Variants in LONP2 observed in about 807,000 individuals in gnomAD.
LONP2 encodes lon protease homolog 2, peroxisomal.
Under a neutral mutation model 85.6 loss-of-function variants are expected in LONP2, and 60 were observed. That is an observed-to-expected ratio of 0.70 (90% CI 0.57 to 0.87). LONP2 has a LOEUF of 0.87. Among genes scored for constraint, LONP2 ranks in the 40% least tolerant of loss-of-function variants. The probability of loss-of-function intolerance (pLI) is 0.00; values close to 1 mark genes in which losing one functional copy is unlikely to be tolerated. For synonymous variants in LONP2, 395 were observed against 389.7 expected, an observed-to-expected ratio of 1.01 and a Z score of -0.16; for missense variants, 860 against 1,063.5, an observed-to-expected ratio of 0.81 and a Z score of 2.66.
intron 11 of LONP2, among the ~76,000 whole-genome samples, chr16:48,314,396 G>A (rs1235283516): frequency 6.6e-6 from 1 of 152,032 alleles, no homozygotes; most frequent in East Asian, 1.9e-4. Flanking sequence ...TGTCCTGAAT[G>A]GTATTGCCTA....
In LONP2 at chr16:48,258,584, G is replaced by T. The variant is rs775120304; in HGVS notation, c.601-34G>T. The T allele has an allele frequency of 2.6e-5, 41 of 1,560,936 alleles. 1 individual carries two copies. The highest frequency in any genetic ancestry group is 8.6e-7 in the Non-Finnish European group (1 of 1,159,344). On this transcript the variant is annotated intron_variant, in intron 3 of 14. Transcript: ENST00000285737. ...CTGTTTTTGGATTGTGTGTTTCTGA[G>T]AGAGATCCTATTGATTGACTCACAT...
At chr16:48,340,734 G>A (rs952477370) in intron 12 of LONP2, among the ~76,000 whole-genome samples, 1 of 152,258 alleles carries the variant, frequency 6.6e-6, no homozygotes, top group African/African-American at 2.4e-5. Context: ...GCCAAGGTGG[G>A]CGGATCGCTT....
intron 11 of LONP2, among the ~76,000 whole-genome samples, chr16:48,320,031 G>A (rs1179160769): frequency 6.6e-6 from 1 of 151,828 alleles, no homozygotes; most frequent in Admixed American, 6.6e-5. Context: ...ATGGTGGCAG[G>A]GGCCTGTAAT....
At chr16:48,325,879 G>A (rs940954901) in intron 11 of LONP2, among the ~76,000 whole-genome samples, 2 of 152,186 alleles carry the variant, frequency 1.3e-5, no homozygotes, top group African/African-American at 4.8e-5. Context: ...CCACCAGTGT[G>A]TAAGAGTTCT....
chr16:48,334,446 G>GCCTC, intron 12 of LONP2, 88 bp downstream of exon 12: 1 of 1,509,010 alleles, frequency 6.6e-7, no homozygotes, highest in Non-Finnish European at 9.1e-7. Flanking sequence ...TGGGCAGGAG[G>GCCTC]CTGCCCTTTG....
At chr16:48,320,196 G>T (rs957790251) in intron 11 of LONP2, among the ~76,000 whole-genome samples, 2 of 148,620 alleles carry the variant, frequency 1.3e-5, no homozygotes, top group Non-Finnish European at 3.0e-5. Context: ...TTCTAAGCCC[G>T]CATTGAAGTT....
Position 48,347,667 on chromosome 16 carries a change from C to G in LONP2, c.2099C>G (p.Ala700Gly), listed in dbSNP as rs1280780228. ...GDVMKESAHL[A>G]ISWLRSNAKK... ...GTGATGAAGGAGTCCGCCCACCTCGCTATCAGCTGGCTCCGCAGCAACGCA... is the reference window on the plus strand; with the variant it reads ...GTGATGAAGGAGTCCGCCCACCTCGGTATCAGCTGGCTCCGCAGCAACGCA... The change falls in exon 13 of 15, where the codon GCT (alanine) becomes GGT (glycine). Residue 700 changes from alanine to glycine, a missense_variant. Ala to Gly is a moderately conservative substitution (Grantham distance 60). Around this residue, in one of 3 missense-constraint regions of LONP2, gnomAD observed 743 missense variants for 917.3 expected, o/e 0.81. Transcript: ENST00000285737. The G allele has an allele frequency of 6.2e-7, 1 of 1,614,184 alleles. No homozygotes were observed. Among genetic ancestry groups the G allele is most frequent in the Non-Finnish European group, 8.5e-7 (1 of 1,180,036 alleles).
chr16:48,315,239 T>C (rs1235460471), intron 11 of LONP2, among the ~76,000 whole-genome samples: 1 of 152,244 alleles, frequency 6.6e-6, no homozygotes, highest in Non-Finnish European at 1.5e-5. Flanking sequence ...CCTTGCCTGT[T>C]TGACTTTGTT....
In LONP2 at chr16:48,321,826, G is replaced by A. The variant is rs545350201; in HGVS notation, c.1796-12390G>A. Among the ~76,000 whole-genome samples, 10 of 152,308 alleles carry A rather than the reference G, an allele frequency of 6.6e-5. No homozygotes were observed. In the South Asian group the frequency reaches 2.1e-3, roughly 32 times the overall value. On this transcript the variant is annotated intron_variant, in intron 11 of 14. Coordinates refer to ENST00000285737, the MANE Select transcript of LONP2 (RefSeq NM_031490.5). Reference sequence around the variant, plus strand: ...GAATGGAGTTGCAGGACTGGAAGTAGCTCTGCGTGAGTCAGCAAGTGAGTG... The same window carrying A: ...GAATGGAGTTGCAGGACTGGAAGTAACTCTGCGTGAGTCAGCAAGTGAGTG...
At chr16:48,349,898 A>G (rs1316482587) in intron 14 of LONP2, among the ~76,000 whole-genome samples, 2 of 152,220 alleles carry the variant, frequency 1.3e-5, no homozygotes, top group African/African-American at 4.8e-5. Context: ...TTGACTTTTC[A>G]GATTACTGAG....
At chr16:48,348,675 G>A (rs1017842053) in intron 14 of LONP2, among the ~76,000 whole-genome samples, 5 of 151,808 alleles carry the variant, frequency 3.3e-5, no homozygotes, top group Admixed American at 1.3e-4. Flanking sequence ...TTTATTTTGC[G>A]TAGAGACAGG....
At position 48,354,939 on chromosome 16, in the gene LONP2, T is replaced by TCAAA. The variant is rs1960285090; in HGVS notation, c.*3142_*3145dup. On this transcript the variant is annotated 3_prime_UTR_variant, in exon 15 of 15. Transcript: ENST00000285737. The stretch of plus-strand genomic sequence containing the variant: ...AACCATGACCTATCAAGGTGTTTTG[T>TCAAA]CAAACAAAAACTAATACTTTCCCTG... 1 of 152,346 alleles carries TCAAA rather than the reference T, an allele frequency of 6.6e-6. No homozygotes were observed. Among genetic ancestry groups the TCAAA allele is most frequent in the East Asian group, 1.9e-4 (1 of 5,192 alleles). 9.4% of individuals were successfully genotyped at this position (152,346 alleles called of 1,614,324 possible).
At chr16:48,334,073 A>T in intron 11 of LONP2, 143 bp from the exon 12 acceptor site, 1 of 688,088 alleles carries the variant, frequency 1.5e-6, no homozygotes, top group Non-Finnish European at 2.4e-6. Flanking sequence ...CCACAGATAC[A>T]CAGGTGAATG....
chr16:48,264,497 A>AT (rs1170457889), intron 6 of LONP2, among the ~76,000 whole-genome samples: 7 of 152,198 alleles, frequency 4.6e-5, no homozygotes, highest in African/African-American at 1.7e-4. Flanking sequence ...TCCCTGAACA[A>AT]TTGCTGTTAT....
chr16:48,279,841 G>T (rs1441893394), intron 8 of LONP2, among the ~76,000 whole-genome samples: 4 of 152,088 alleles, frequency 2.6e-5, no homozygotes, highest in African/African-American at 9.7e-5. Context: ...TTATTTCTGT[G>T]CTTTGAGCTG....
chr16:48,319,562 C>A (rs1973219231), intron 11 of LONP2, among the ~76,000 whole-genome samples: 1 of 151,996 alleles, frequency 6.6e-6, no homozygotes, highest in African/African-American at 2.4e-5. Context: ...TGTTAGCTGA[C>A]CTCAGTTCCT....
In LONP2 at chr16:48,303,206, A is replaced by G. The variant is rs1254084701; in HGVS notation, c.1696A>G (p.Arg566Gly). Reference sequence around the variant, plus strand: ...AGAGGCAGGGGTTCGTTCTCTGGATAGAAAACTTGGGGCCATTTGCCGAGC... The same window carrying G: ...AGAGGCAGGGGTTCGTTCTCTGGATGGAAAACTTGGGGCCATTTGCCGAGC... ...TREAGVRSLDRKLGAICRAVA... is the reference protein window; with the variant it reads ...TREAGVRSLDGKLGAICRAVA... Residue 566 changes from arginine to glycine, a missense_variant, in exon 11 of 15, where the codon AGA becomes GGA. Physicochemically the swap from Arg to Gly is moderately radical, Grantham distance 125 (BLOSUM62 -2). Transcript: ENST00000285737. 6.2e-7 allele frequency: 1 copy of G among 1,614,174 alleles called. No individual in the cohort carries two copies.
At chr16:48,361,249 G>A (rs1005355178), downstream of LONP2, 9 of 265,648 alleles carry the variant, frequency 3.4e-5, no homozygotes, top group South Asian at 1.2e-4. Flanking sequence ...ACACTCCCAC[G>A]CAAAAACAAA....
At chr16:48,336,644 A>C (rs983601734) in intron 12 of LONP2, 35 of 332,398 alleles carry the variant, frequency 1.1e-4, no homozygotes, top group Non-Finnish European at 1.9e-4. Flanking sequence ...TCAGTTGGGG[A>C]GCTTCTGAGC....
Sources: allele counts gnomAD v4.1 joint callset (sites outside exome capture counted in the v4.1 genomes callset), GRCh38; gene constraint gnomAD v4.1.1; regional missense constraint gnomAD v4.1.1; transcripts MANE v1.5; gene names NCBI Gene and HGNC (gene_info 2026-07-23, HGNC 2026-07-21).